PCBP3: variants seen among roughly 807,000 people sequenced by gnomAD.
The protein encoded by PCBP3 is poly(rC)-binding protein 3.
A neutral mutation model predicts 52.7 loss-of-function variants in PCBP3; 25 were observed. The ratio of observed to expected loss-of-function variants is 0.47; its 90% CI spans 0.35 to 0.66. The LOEUF (loss-of-function observed/expected upper bound fraction) is 0.66. Among genes scored for constraint, PCBP3 ranks in the 30% least tolerant of loss-of-function variants. The probability of loss-of-function intolerance (pLI) is 0.01; values close to 1 mark genes in which losing one functional copy is unlikely to be tolerated. For synonymous variants in PCBP3, 162 were observed against 183.0 expected (o/e 0.89, Z 0.93); for missense variants, 391 against 490.3 (o/e 0.80, Z 1.91).
At chr21:45,874,505 C>CTTTTTTTTTTTTTT (rs551716964) in intron 5 of PCBP3, among the ~76,000 whole-genome samples, 2 of 134,012 alleles carry the variant, frequency 1.5e-5, no homozygotes, top group Non-Finnish European at 3.2e-5. Flanking sequence ...TTCTTCTTTT[C>CTTTTTTTTTTTTTT]TTTTTTTTTT....
At chr21:45,740,817 A>G (rs535662226) in intron 3 of PCBP3, among the ~76,000 whole-genome samples, 2 of 152,148 alleles carry the variant, frequency 1.3e-5, no homozygotes, top group African/African-American at 4.8e-5. Context: ...GGGGACTGAG[A>G]AGTGAGTTTC....
At chr21:45,771,607 A>G (rs560711649) in intron 4 of PCBP3, among the ~76,000 whole-genome samples, 72 of 152,306 alleles carry the variant, frequency 4.7e-4, no homozygotes, top group African/African-American at 1.6e-3. Flanking sequence ...AATAGAAGGA[A>G]TCTTCCTCAG....
At chr21:45,752,968 CAAAAAAAAAAAAAA>C (rs5844247) in intron 3 of PCBP3, 1 of 65,988 alleles carries the variant, frequency 1.5e-5, no homozygotes, top group Non-Finnish European at 2.8e-5. Context: ...CCTGTCTCTC[CAAAAAAAAAAAAAA>C]AAAAAAAAAT....
chr21:45,852,188 C>A (rs529889011), intron 5 of PCBP3, among the ~76,000 whole-genome samples: 1 of 152,186 alleles, frequency 6.6e-6, no homozygotes, highest in African/African-American at 2.4e-5. Flanking sequence ...ACGTGTATTG[C>A]AACATCATAC....
intron 4 of PCBP3, among the ~76,000 whole-genome samples, chr21:45,808,432 G>GA (rs1193916510): frequency 6.6e-5 from 10 of 152,038 alleles, no homozygotes; most frequent in African/African-American, 1.7e-4. Flanking sequence ...CAAAAAACGT[G>GA]AAAAAAAGCT....
chr21:45,877,318 A>G (rs916869753), intron 5 of PCBP3, among the ~76,000 whole-genome samples: 1 of 152,182 alleles, frequency 6.6e-6, no homozygotes, highest in African/African-American at 2.4e-5. Flanking sequence ...GCCTGGATTT[A>G]TATATGGAAA....
intron 10 of PCBP3, among the ~76,000 whole-genome samples, chr21:45,909,851 T>TGGCCACCCACTGCCCAGATACGGACCC (rs2096310340): frequency 2.0e-4 from 1 of 4,970 alleles, no homozygotes; most frequent in African/African-American, 1.0e-3. Context: ...GATACGGACC[T>TGGCCACCCACTGCCCAGATACGGACCC]GGCCACCCAC....
At chr21:45,855,434 A>C (rs1189874638) in intron 5 of PCBP3, among the ~76,000 whole-genome samples, 1 of 151,596 alleles carries the variant, frequency 6.6e-6, no homozygotes, top group Non-Finnish European at 1.5e-5. Flanking sequence ...ACTGCTGCCC[A>C]GTTCCCAGAC....
At position 45,829,395 on chromosome 21, in the gene PCBP3, A is replaced by C. The variant is rs1271833268; in HGVS notation, c.-125-20566A>C. 1 of 152,170 alleles carries C rather than the reference A, an allele frequency of 6.6e-6. No individual in the cohort carries two copies. The highest frequency in any genetic ancestry group is 2.4e-5 in the African/African-American group (1 of 41,400). The allele number at this position is 152,170 out of a possible 1,614,324, so 9.4% of individuals were successfully genotyped here. A position where few individuals can be genotyped will look rare whatever the true frequency, so the allele number is the denominator to read the frequency against. On this transcript the variant is annotated intron_variant, in intron 4 of 17. Coordinates refer to ENST00000681687, the MANE Select transcript of PCBP3 (RefSeq NM_001384156.1). The surrounding 1 kb of genome is among the most constrained non-coding windows in gnomAD (Gnocchi z 5.2). ...TAGCTCCCTGCACAGGGAGCCCGGG[A>C]CCAGGCAGAGGGTGCTGGGCAGAAC...
intron 11 of PCBP3, among the ~76,000 whole-genome samples, chr21:45,913,668 G>A (rs1354081678): frequency 6.6e-6 from 1 of 152,204 alleles, no homozygotes; most frequent in East Asian, 1.9e-4. Context: ...GGGATGTTCG[G>A]GGCAGGCGGT....
intron 2 of PCBP3, among the ~76,000 whole-genome samples, chr21:45,701,305 T>G (rs897444109): frequency 1.3e-5 from 2 of 152,136 alleles, no homozygotes; most frequent in African/African-American, 4.8e-5. Flanking sequence ...CTTCAGTGGG[T>G]CTCCATGGTT....
At chr21:45,883,462 T>G (rs1032652694) in intron 5 of PCBP3, among the ~76,000 whole-genome samples, 1 of 152,234 alleles carries the variant, frequency 6.6e-6, no homozygotes, top group Non-Finnish European at 1.5e-5. Context: ...TGCCCAGTGG[T>G]TCTTTCAGTT....
Position 45,668,368 on chromosome 21 carries a change from T to A in PCBP3, c.-278-506T>A, listed in dbSNP as rs183413033. On this transcript the variant is annotated intron_variant, in intron 1 of 17. Transcript: ENST00000681687. The stretch of plus-strand genomic sequence containing the variant: ...AATTGTCTTTGTTTTGAAAGATACC[T>A]CTAAGGAAAATACTTTTCAGTGAGC... Among the ~76,000 whole-genome samples, 320 of 152,296 alleles carry A rather than the reference T, an allele frequency of 2.1e-3. 1 individual carries two copies. The highest frequency in any genetic ancestry group is 3.2e-3 in the Non-Finnish European group (218 of 68,024).
rs1417744504 is a variant in PCBP3, at chr21:45,928,143, C to T, written c.718-1774C>T. On this transcript the variant is annotated intron_variant, in intron 13 of 17. Coordinates refer to ENST00000681687, the MANE Select transcript of PCBP3 (RefSeq NM_001384156.1). The surrounding 1 kb of genome is among the most constrained non-coding windows in gnomAD (Gnocchi z 4.1). ...CAGATGCGCCTGCTTCCTCCTCCTG[C>T]CCCCGCAGGGCCTCGTGTATCTCCG... 6.6e-6 allele frequency among the ~76,000 whole-genome samples: 1 copy of T among 152,240 alleles called. No individual in the cohort carries two copies. The highest frequency in any genetic ancestry group is 1.5e-5 in the Non-Finnish European group (1 of 68,044).
At chr21:45,807,988 AG>A (rs1162899748) in intron 4 of PCBP3, among the ~76,000 whole-genome samples, 2 of 152,208 alleles carry the variant, frequency 1.3e-5, no homozygotes, top group African/African-American at 4.8e-5. Flanking sequence ...AAAACTGGCT[AG>A]CCATATGCAG....
intron 2 of PCBP3, among the ~76,000 whole-genome samples, chr21:45,732,308 A>G (rs969489623): frequency 6.6e-6 from 1 of 152,034 alleles, no homozygotes; most frequent in Middle Eastern, 3.2e-3. Flanking sequence ...TATATTGTGT[A>G]TATCTAAGGT....
chr21:45,699,830 G>A (rs148383751), intron 2 of PCBP3, among the ~76,000 whole-genome samples: 2 of 152,142 alleles, frequency 1.3e-5, no homozygotes, highest in Non-Finnish European at 2.9e-5. Flanking sequence ...CTCCCACCAG[G>A]TCCCTCCCAC....
Position 45,736,870 on chromosome 21 carries a change from G to A in PCBP3, c.-162+1441G>A, listed in dbSNP as rs1445674882. On this transcript the variant is annotated intron_variant, in intron 3 of 17. Transcript: ENST00000681687. The surrounding 1 kb of genome is among the most constrained non-coding windows in gnomAD (Gnocchi z 4.6). Reference sequence around the variant, plus strand: ...AGTTCATCCTGTGGCATGTCAGGGGGTGACAGTGGCTGTGGAGGAAACAGG... The same window carrying A: ...AGTTCATCCTGTGGCATGTCAGGGGATGACAGTGGCTGTGGAGGAAACAGG... Among the ~76,000 whole-genome samples, 1 of 152,046 alleles carries A rather than the reference G, an allele frequency of 6.6e-6. No individual in the cohort carries two copies. The highest frequency in any genetic ancestry group is 1.5e-5 in the Non-Finnish European group (1 of 67,958).
At chr21:45,792,211 A>G (rs909671997) in intron 4 of PCBP3, among the ~76,000 whole-genome samples, 1 of 152,280 alleles carries the variant, frequency 6.6e-6, no homozygotes. Context: ...TTTATTTGAA[A>G]GTGGGAGAAA....
Sources: gnomAD v4.1 joint callset for allele counts (sites outside exome capture counted in the v4.1 genomes callset) on GRCh38, gnomAD v4.1.1 for gene constraint, Gnocchi (gnomAD v3.1) non-coding constraint, MANE v1.5 for transcripts, NCBI Gene and HGNC (gene_info 2026-07-23, HGNC 2026-07-21) for gene names.